The following GLIS3 variants were observed in gnomAD, a reference collection of about 807,000 sequenced individuals.
The protein encoded by GLIS3 is zinc finger protein GLIS3.
A neutral mutation model predicts 78.6 loss-of-function variants in GLIS3; 53 were observed. The observed-to-expected ratio is 0.67, with a 90% confidence interval of 0.54 to 0.85. GLIS3 has a LOEUF of 0.85. Among genes scored for constraint, GLIS3 ranks in the 40% least tolerant of loss-of-function variants. The pLI, the probability that GLIS3 is intolerant of heterozygous loss-of-function variation, is 0.00. For missense variants in GLIS3, 1,703 were observed against 1,231.1 expected, an observed-to-expected ratio of 1.38 and a Z score of -5.74; for synonymous variants, 684 against 509.9, an observed-to-expected ratio of 1.34 and a Z score of -4.60.
chr9:3,997,082 T>G (rs1040751607), intron 4 of GLIS3, among the ~76,000 whole-genome samples: 2 of 152,180 alleles, frequency 1.3e-5, no homozygotes, highest in African/African-American at 4.8e-5. Context: ...GCGCGGTGGC[T>G]CACGCCTGTA....
chr9:4,390,051 C>T, the GLIS3 span, among the ~76,000 whole-genome samples: 1 of 152,148 alleles, frequency 6.6e-6, no homozygotes, highest in African/African-American at 2.4e-5. Context: ...TGGGCTAAAA[C>T]CCAGACTAAT....
intron 4 of GLIS3, among the ~76,000 whole-genome samples, chr9:4,091,593 AAT>A (rs541583856): frequency 4.7e-4 from 71 of 152,244 alleles, no homozygotes; most frequent in Non-Finnish European, 9.0e-4. Flanking sequence ...TAATGACAAG[AAT>A]ATGTTCTGAG....
At chr9:4,103,025 C>A (rs544352205) in intron 4 of GLIS3, among the ~76,000 whole-genome samples, 128 of 151,998 alleles carry the variant, frequency 8.4e-4, no homozygotes, top group Non-Finnish European at 1.4e-3. Context: ...ACATAACACT[C>A]CAGTCAAATA....
chr9:4,284,181 C>A (rs1220728046), intron 2 of GLIS3, among the ~76,000 whole-genome samples: 1 of 152,184 alleles, frequency 6.6e-6, no homozygotes, highest in Non-Finnish European at 1.5e-5. Flanking sequence ...GTTCCCTTAT[C>A]AGTTAAATAA....
At chr9:3,965,708 G>A (rs1396515984) in intron 4 of GLIS3, among the ~76,000 whole-genome samples, 1 of 152,194 alleles carries the variant, frequency 6.6e-6, no homozygotes, top group Non-Finnish European at 1.5e-5. Context: ...CCTAGTATTT[G>A]CAGCAGGCAG....
Position 3,824,241 on chromosome 9 carries a change from T to G in GLIS3, c.*4031A>C, listed in dbSNP as rs1002888473. ...GACATTCATTTTTACTGCCATTTCCTCCTCATATCTATAATTAAATCCAGG... is the reference window on the plus strand; with the variant it reads ...GACATTCATTTTTACTGCCATTTCCGCCTCATATCTATAATTAAATCCAGG... On this transcript the variant is annotated 3_prime_UTR_variant, in exon 11 of 11. Transcript: ENST00000381971. 1 of 152,656 alleles carries G rather than the reference T, an allele frequency of 6.6e-6. No individual in the cohort carries two copies. Among genetic ancestry groups the G allele is most frequent in the African/African-American group, 2.4e-5 (1 of 41,464 alleles). The allele number at this position is 152,656 out of a possible 1,614,324, so 9.5% of individuals were successfully genotyped here. A position where few individuals can be genotyped will look rare whatever the true frequency, so the allele number is the denominator to read the frequency against.
intron 3 of GLIS3, among the ~76,000 whole-genome samples, chr9:4,122,124 G>A (rs1832238843): frequency 6.6e-6 from 1 of 152,202 alleles, no homozygotes; most frequent in South Asian, 2.1e-4. Context: ...AAAATGATTA[G>A]GGTGGCTGGT....
At chr9:3,836,394 C>G (rs1401103961) in intron 9 of GLIS3, among the ~76,000 whole-genome samples, 1 of 152,208 alleles carries the variant, frequency 6.6e-6, no homozygotes, top group African/African-American at 2.4e-5. Context: ...GCGATTTTGG[C>G]CCCAGTCATA....
the GLIS3 span, among the ~76,000 whole-genome samples, chr9:4,472,629 G>C: frequency 0.33 from 49,446 of 148,376 alleles, 9,726 homozygotes; most frequent in Middle Eastern, 0.49. Context: ...AGGGGGGAGG[G>C]ATAGCATTAG....
At chr9:4,064,663 G>A (rs979666870) in intron 4 of GLIS3, among the ~76,000 whole-genome samples, 11 of 152,114 alleles carry the variant, frequency 7.2e-5, no homozygotes, top group African/African-American at 2.2e-4. Flanking sequence ...GTGTTGTGGC[G>A]CACACCTGTA....
At chr9:4,024,363 G>A (rs145927948) in intron 4 of GLIS3, among the ~76,000 whole-genome samples, 1 of 152,316 alleles carries the variant, frequency 6.6e-6, no homozygotes, top group Non-Finnish European at 1.5e-5. Context: ...TCATGATAAT[G>A]ACTGTGTGGA....
chr9:3,993,395 A>T (rs887138702), intron 4 of GLIS3, among the ~76,000 whole-genome samples: 1 of 152,228 alleles, frequency 6.6e-6, no homozygotes, highest in African/African-American at 2.4e-5. Context: ...GTAGTATTTT[A>T]TGAAATTTGT....
intron 4 of GLIS3, among the ~76,000 whole-genome samples, chr9:4,081,997 A>T (rs987827208): frequency 6.6e-6 from 1 of 152,246 alleles, no homozygotes; most frequent in African/African-American, 2.4e-5. Flanking sequence ...TCAGCTAATA[A>T]TCTAAACATA....
intron 6 of GLIS3, among the ~76,000 whole-genome samples, chr9:3,931,088 T>G (rs1217905466): frequency 6.6e-6 from 1 of 152,146 alleles, no homozygotes; most frequent in African/African-American, 2.4e-5. Context: ...TTTACTGGGA[T>G]TCCAATTAAA....
intron 2 of GLIS3, among the ~76,000 whole-genome samples, chr9:4,223,029 C>G (rs1821465808): frequency 6.6e-6 from 1 of 152,072 alleles, no homozygotes; most frequent in South Asian, 2.1e-4. Context: ...TGGGATCTTT[C>G]CAAGAAAGAG....
At chr9:4,198,319 T>C (rs1238487494) in intron 2 of GLIS3, among the ~76,000 whole-genome samples, 1 of 152,180 alleles carries the variant, frequency 6.6e-6, no homozygotes, top group Non-Finnish European at 1.5e-5. Context: ...TAATCATTAA[T>C]CTAATTCTAA....
At chr9:4,285,209 C>G (rs1238180414) in intron 2 of GLIS3, among the ~76,000 whole-genome samples, 1 of 152,100 alleles carries the variant, frequency 6.6e-6, no homozygotes, top group African/African-American at 2.4e-5. Flanking sequence ...TACAGCAAAG[C>G]TATATTTTAC....
the GLIS3 span, among the ~76,000 whole-genome samples, chr9:4,417,857 T>C: frequency 6.6e-6 from 1 of 152,174 alleles, no homozygotes; most frequent in Admixed American, 6.5e-5. Context: ...GCTTCCCCCT[T>C]TTCTCCAAAT....
At chr9:4,105,598 G>A (rs1337617243) in intron 4 of GLIS3, among the ~76,000 whole-genome samples, 2 of 152,092 alleles carry the variant, frequency 1.3e-5, no homozygotes, top group Admixed American at 6.5e-5. Flanking sequence ...ATTGCCCATT[G>A]ATTTACCAAG....
Sources: gnomAD v4.1 joint callset for allele counts (sites outside exome capture counted in the v4.1 genomes callset) on GRCh38, gnomAD v4.1.1 for gene constraint, MANE v1.5 for transcripts, NCBI Gene and HGNC (gene_info 2026-07-23, HGNC 2026-07-21) for gene names.